The following LMAN1 variants were observed in gnomAD, a reference collection of about 807,000 sequenced individuals.
LMAN1 encodes lectin, mannose binding 1.
In LMAN1, 32 loss-of-function variants were observed where a neutral mutation model predicts 67.8. The ratio of observed to expected loss-of-function variants is 0.47; its 90% CI spans 0.36 to 0.63. The LOEUF (loss-of-function observed/expected upper bound fraction) is 0.63, where lower values mean the gene tolerates loss of function less well. Ranked by LOEUF, LMAN1 falls within the 30% of genes least tolerant of loss-of-function variation. The pLI is 0.00. For missense variants in LMAN1, 632 were observed against 628.2 expected (o/e 1.01, Z -0.06); for synonymous variants, 235 against 219.3 (o/e 1.07, Z -0.63).
intron 7 of LMAN1, among the ~76,000 whole-genome samples, chr18:59,346,913 A>G (rs1908422174): frequency 1.3e-5 from 2 of 152,124 alleles, no homozygotes; most frequent in Admixed American, 6.5e-5. Context: ...TGGCCAGTAC[A>G]AACATTTCTG....
intron 1 of LMAN1, among the ~76,000 whole-genome samples, chr18:59,356,339 T>C (rs1449600459): frequency 6.6e-6 from 1 of 152,218 alleles, no homozygotes; most frequent in Non-Finnish European, 1.5e-5. Context: ...CCAGCTCTAC[T>C]ACTTACTAGC....
At chr18:59,356,430 T>C (rs529913476) in intron 1 of LMAN1, among the ~76,000 whole-genome samples, 1 of 152,310 alleles carries the variant, frequency 6.6e-6, no homozygotes, top group African/African-American at 2.4e-5. Context: ...GCTTTAAATG[T>C]TTCAATAAAT....
chr18:59,339,713 G>A (rs143322150), intron 8 of LMAN1, among the ~76,000 whole-genome samples: 4 of 152,120 alleles, frequency 2.6e-5, no homozygotes, highest in African/African-American at 9.7e-5. Context: ...AGGAGAGAAG[G>A]GGGGACACTG....
intron 8 of LMAN1, among the ~76,000 whole-genome samples, chr18:59,344,163 G>A (rs1361767172): frequency 3.3e-5 from 5 of 152,132 alleles, no homozygotes; most frequent in African/African-American, 1.2e-4. Context: ...AAGATGTGGA[G>A]AAGAGGGAAT....
chr18:59,348,317 T>C (rs1908465746), intron 6 of LMAN1, among the ~76,000 whole-genome samples: 2 of 152,226 alleles, frequency 1.3e-5, no homozygotes, highest in African/African-American at 4.8e-5. Context: ...AAAACTATAA[T>C]ACTGTAGTGT....
Position 59,338,816 on chromosome 18 carries a change from A to G in LMAN1, c.1093T>C (p.Ser365Pro). 6.2e-7 allele frequency: 1 copy of G among 1,614,094 alleles called. No individual in the cohort carries two copies. The highest frequency in any genetic ancestry group is 8.5e-7 in the Non-Finnish European group (1 of 1,180,012). ...ILDEQRRYVS[S>P]LTEEISKRGA... is the part of the protein sequence containing the mutation. ...CTTTTAGAGATTTCCTCTGTTAAGG[A>G]AGAGACATATCTTCTCTGTTCATCA... The change falls in exon 9 of 13, where the codon TCC (serine) becomes CCC (proline). Residue 365 changes from serine to proline, a missense_variant. Transcript: ENST00000251047.
At chr18:59,331,327 A>G (rs1371404316) in intron 12 of LMAN1, 91 bp downstream of exon 12, 10 of 1,348,298 alleles carry the variant, frequency 7.4e-6, no homozygotes, top group Non-Finnish European at 1.1e-5. Context: ...AGGTGGTGAA[A>G]ATTGTATTAT....
rs771734917 is a variant in LMAN1, at chr18:59,346,062, G to A, written c.823-11C>T. ...TTTATCTGGTGTGGGCTTTTTTTTG[G>A]AGTTTTGGAATAGATCATTAAAAAG... On this transcript the variant is annotated splice_polypyrimidine_tract_variant and intron_variant, in intron 7 of 12. Transcript: ENST00000251047. The A allele has an allele frequency of 1.9e-6, 3 of 1,598,228 alleles. No individual in the cohort carries two copies. Among genetic ancestry groups the A allele is most frequent in the South Asian group, 2.2e-5 (2 of 88,972 alleles).
Position 59,349,235 on chromosome 18 carries a change from AC to A in LMAN1, c.640del (p.Val214Ter), listed in dbSNP as rs770738740. On this transcript the variant is annotated frameshift_variant and splice_region_variant, in exon 6 of 13. Transcript: ENST00000251047. LOFTEE classifies it high-confidence loss of function. ...TGGTGTAAAGCCATTATTGATCATTACCTAGAAAGACATATCATAGCTATAG... is the reference window on the plus strand; with the variant it reads ...TGGTGTAAAGCCATTATTGATCATTACTAGAAAGACATATCATAGCTATAG... ...KITYYQNTLT[V>X]MINNGFTPDK... 2 of 1,612,008 alleles carry A rather than the reference AC, an allele frequency of 1.2e-6. No individual in the cohort carries two copies. The highest frequency in any genetic ancestry group is 1.7e-6 in the Non-Finnish European group (2 of 1,178,248).
rs771975015 is a variant in LMAN1 at position 59,338,911 on chromosome 18, T to C, written c.998A>G (p.Gln333Arg). 3.7e-6 allele frequency: 6 copies of C among 1,613,614 alleles called. No homozygotes were observed. In the South Asian group the frequency reaches 6.6e-5, roughly 18 times the overall value. Residue 333 changes from glutamine (Q) to arginine (R), a missense_variant, in exon 9 of 13, where the codon CAA becomes CGA. Physicochemically the swap from Gln to Arg is conservative, Grantham distance 43 (BLOSUM62 1). Coordinates refer to ENST00000251047, the MANE Select transcript of LMAN1 (RefSeq NM_005570.4). The part of the protein sequence containing the change: ...FESVGDRELR[Q>R]VFEGQNRIHL... ...AATACGATTCTGTCCTTCAAAGACT[T>C]GTCTTAGCTCTCGATCTCCTACACT...
intron 8 of LMAN1, among the ~76,000 whole-genome samples, chr18:59,340,318 G>A (rs1019937732): frequency 6.6e-6 from 1 of 152,112 alleles, no homozygotes; most frequent in African/African-American, 2.4e-5. Flanking sequence ...TTGCAAAAAG[G>A]GTTTCACTAC....
Position 59,331,142 on chromosome 18 carries a change from A to C in LMAN1, c.1497-13T>G. ...TTCTTGCTGAGACCTAATGAAAAAA[A>C]GAAACAAACACTTAAAGAAGTTCTA... is the stretch of plus-strand genomic sequence containing the variant. On this transcript the variant is annotated splice_polypyrimidine_tract_variant and intron_variant, in intron 12 of 12. Transcript: ENST00000251047. 6.2e-7 allele frequency: 1 copy of C among 1,609,012 alleles called. No homozygotes were observed. The highest frequency in any genetic ancestry group is 1.1e-5 in the South Asian group (1 of 90,430).
chr18:59,346,118 T>A, intron 7 of LMAN1, 67 bp from the exon 8 acceptor site: 1 of 1,353,272 alleles, frequency 7.4e-7, no homozygotes, highest in Non-Finnish European at 1.0e-6. Flanking sequence ...TCTCTATACA[T>A]GTTATTTTTC....
Position 59,349,201 on chromosome 18 carries a change from A to T in LMAN1, c.675T>A (p.Asn225Lys), listed in dbSNP as rs749322368. Residue 225 changes from asparagine to lysine, a missense_variant, in exon 6 of 13, where the codon AAT (asparagine) becomes AAA (lysine). By Grantham distance (94) the Asn-to-Lys change is moderately conservative. Coordinates refer to ENST00000251047, the MANE Select transcript of LMAN1 (RefSeq NM_005570.4). ...CCACTTTGGCACAAAATTCATAATC[A>T]TTTTTATCTGGTGTAAAGCCATTAT... Reference protein sequence around the residue: ...MINNGFTPDKNDYEFCAKVEN... With the variant: ...MINNGFTPDKKDYEFCAKVEN... 2.3e-5 allele frequency: 37 copies of T among 1,613,620 alleles called. No homozygotes were observed. Among genetic ancestry groups the T allele is most frequent in the Middle Eastern group, 3.3e-4 (2 of 6,058 alleles).
At chr18:59,343,054 T>TAAAAAAAAAAAAAAAA (rs34207759) in intron 8 of LMAN1, among the ~76,000 whole-genome samples, 1 of 121,048 alleles carries the variant, frequency 8.3e-6, no homozygotes, top group African/African-American at 2.9e-5. Flanking sequence ...TTACAACAGC[T>TAAAAAAAAAAAAAAAA]AAAAAAAAAA....
chr18:59,359,151 C>A lies in LMAN1; in HGVS notation c.94G>T (p.Gly32Cys), dbSNP rs368204045. The A allele has an allele frequency of 1.9e-6, 3 of 1,614,070 alleles. No individual in the cohort carries two copies. The East Asian group carries it at 6.7e-5, about 36-fold the overall frequency. The change falls in exon 1 of 13, where the codon GGC (glycine) becomes TGC (cysteine). Residue 32 changes from glycine to cysteine, a missense_variant. Gly to Cys is a radical substitution (Grantham distance 159). Transcript: ENST00000251047. ...LSLGRFVRGD[G>C]VGGDPAVALP... ...GCGACCGCGGGGTCTCCTCCCACGC[C>A]GTCGCCCCGGACGAAGCGACCGAGT... is the stretch of plus-strand genomic sequence containing the variant.
intron 6 of LMAN1, among the ~76,000 whole-genome samples, chr18:59,347,805 C>A (rs1197671073): frequency 6.6e-6 from 1 of 152,140 alleles, no homozygotes; most frequent in African/African-American, 2.4e-5. Flanking sequence ...AACCCTAAAT[C>A]AGAATATTTA....
chr18:59,341,245 GTAATACAA>G (rs1355234508), intron 8 of LMAN1, among the ~76,000 whole-genome samples: 2 of 152,010 alleles, frequency 1.3e-5, no homozygotes, highest in African/African-American at 4.8e-5. Context: ...GAGAAAAACA[GTAATACAA>G]TAATAGTGGG....
At chr18:59,355,839 TAAA>T (rs1251594935) in intron 1 of LMAN1, among the ~76,000 whole-genome samples, 181 bp from the exon 2 acceptor site, 2 of 151,818 alleles carry the variant, frequency 1.3e-5, no homozygotes, top group South Asian at 2.1e-4. Flanking sequence ...CCTTATCAAA[TAAA>T]AAAAATTAAA....
Sources: allele counts gnomAD v4.1 joint callset (sites outside exome capture counted in the v4.1 genomes callset), GRCh38; gene constraint gnomAD v4.1.1; transcripts MANE v1.5; gene names NCBI Gene and HGNC (gene_info 2026-07-23, HGNC 2026-07-21).